The following CDH12 variants were observed in gnomAD, a reference collection of about 807,000 sequenced individuals.
CDH12 encodes cadherin-12.
A neutral mutation model predicts 74.1 loss-of-function variants in CDH12; 41 were observed. The observed-to-expected ratio is 0.55, with a 90% confidence interval of 0.43 to 0.72. The LOEUF (loss-of-function observed/expected upper bound fraction) is 0.72, where lower values mean the gene tolerates loss of function less well. Ranked by LOEUF, CDH12 falls within the 30% of genes least tolerant of loss-of-function variation. The pLI is 0.00. For synonymous variants in CDH12, 399 were observed against 355.0 expected (o/e 1.12, Z -1.39); for missense variants, 945 against 977.2 (o/e 0.97, Z 0.44).
chr5:21,936,618 T>C (rs1439932258), intron 6 of CDH12, among the ~76,000 whole-genome samples: 3 of 152,178 alleles, frequency 2.0e-5, no homozygotes, highest in African/African-American at 2.4e-5. Flanking sequence ...AATTAAAATA[T>C]GTCAATCTAC....
intron 3 of CDH12, among the ~76,000 whole-genome samples, chr5:22,329,240 G>C (rs567370258): frequency 1.3e-5 from 2 of 152,240 alleles, no homozygotes; most frequent in South Asian, 2.1e-4. Flanking sequence ...TTTTACCTGA[G>C]AGCAAATGTC....
intron 6 of CDH12, among the ~76,000 whole-genome samples, chr5:21,923,645 C>T (rs941955717): frequency 1.3e-5 from 2 of 152,138 alleles, no homozygotes; most frequent in African/African-American, 2.4e-5. Context: ...GAAAATACAG[C>T]AGTCTTTCTA....
At chr5:21,966,644 T>G (rs1307062568) in intron 6 of CDH12, among the ~76,000 whole-genome samples, 1 of 152,140 alleles carries the variant, frequency 6.6e-6, no homozygotes, top group Non-Finnish European at 1.5e-5. Flanking sequence ...CAAGATACAG[T>G]ACTACACAAT....
chr5:22,324,938 T>C (rs1160781552), intron 3 of CDH12, among the ~76,000 whole-genome samples: 2 of 152,216 alleles, frequency 1.3e-5, no homozygotes, highest in Non-Finnish European at 2.9e-5. Context: ...CATGATGGGA[T>C]GATCATTATC....
At chr5:22,252,708 T>G (rs1461321808) in intron 3 of CDH12, among the ~76,000 whole-genome samples, 1 of 151,946 alleles carries the variant, frequency 6.6e-6, no homozygotes, top group Non-Finnish European at 1.5e-5. Flanking sequence ...TTATTCCTCC[T>G]CTCCAGGGTC....
intron 4 of CDH12, among the ~76,000 whole-genome samples, chr5:22,102,695 C>A (rs1005135153): frequency 2.5e-4 from 35 of 137,410 alleles, no homozygotes; most frequent in Admixed American, 5.8e-4. Context: ...TAAATAAATA[C>A]ATAAATAAAT....
At chr5:21,846,476 G>A (rs1275712666) in intron 7 of CDH12, among the ~76,000 whole-genome samples, 3 of 152,028 alleles carry the variant, frequency 2.0e-5, no homozygotes, top group Non-Finnish European at 2.9e-5. Context: ...CTGTTTTTCT[G>A]TTTCCCTGTT....
chr5:22,617,130 TC>T (rs1209299200), intron 1 of CDH12, among the ~76,000 whole-genome samples: 1 of 151,922 alleles, frequency 6.6e-6, no homozygotes, highest in Non-Finnish European at 1.5e-5. Context: ...CCACCTAGCC[TC>T]CTAAAGTGCT....
chr5:22,355,214 G>C (rs2883717), intron 3 of CDH12, among the ~76,000 whole-genome samples: 4 of 151,794 alleles, frequency 2.6e-5, no homozygotes, highest in African/African-American at 9.7e-5. Context: ...TAGAAATAAC[G>C]TGGGTGATAT....
chr5:22,008,646 T>C (rs1403982314), intron 5 of CDH12, among the ~76,000 whole-genome samples: 1 of 152,182 alleles, frequency 6.6e-6, no homozygotes, highest in East Asian at 1.9e-4. Flanking sequence ...CCTCTCCATC[T>C]GTTTGTGATA....
In CDH12 at chr5:21,812,219, T is replaced by C. The variant is rs1390541677; in HGVS notation, c.1002+4726A>G. ...CTATTGCAGCTCAAAATCTGTTAGC[T>C]AAAAAATTAAAATAACTGGTGTTTA... On this transcript the variant is annotated intron_variant, in intron 9 of 14. Transcript: ENST00000382254. Among the ~76,000 whole-genome samples the C allele has an allele frequency of 3.3e-5, 5 of 152,164 alleles. No homozygotes were observed. In the East Asian group the frequency reaches 9.7e-4, roughly 29 times the overall value.
intron 6 of CDH12, chr5:21,883,707 G>A (rs1752481255): frequency 6.2e-7 from 1 of 1,608,564 alleles, no homozygotes; most frequent in African/African-American, 1.3e-5. Context: ...ACGTATTCAA[G>A]AAATCATTGG....
At chr5:22,402,615 G>A (rs539062469) in intron 3 of CDH12, among the ~76,000 whole-genome samples, 3 of 152,310 alleles carry the variant, frequency 2.0e-5, no homozygotes, top group African/African-American at 4.8e-5. Context: ...TGAAACTTCT[G>A]TGTGAGAAGG....
intron 6 of CDH12, among the ~76,000 whole-genome samples, chr5:21,880,501 T>TCCTTCCTTCCTTCCTTCCTTCCTCCCTC (rs1468584598): frequency 5.9e-4 from 15 of 25,382 alleles, no homozygotes; most frequent in African/African-American, 1.2e-3. Flanking sequence ...CTTCCTTCCT[T>TCCTTCCTTCCTTCCTTCCTTCCTCCCTC]CCTCCCTCCC....
At chr5:21,895,204 T>C (rs7446155) in intron 6 of CDH12, among the ~76,000 whole-genome samples, 146,651 of 152,206 alleles carry the variant, frequency 0.96, 70,817 homozygotes, top group East Asian at 1. Flanking sequence ...CCAAAGTGAT[T>C]GGAGAGAAAT....
chr5:22,790,350 A>G (rs939718487), intron 1 of CDH12, among the ~76,000 whole-genome samples: 1 of 152,172 alleles, frequency 6.6e-6, no homozygotes, highest in African/African-American at 2.4e-5. Flanking sequence ...TTAACATTTG[A>G]GAAGAAAGCT....
At chr5:22,558,454 G>T (rs1738900225) in intron 1 of CDH12, among the ~76,000 whole-genome samples, 1 of 152,028 alleles carries the variant, frequency 6.6e-6, no homozygotes, top group South Asian at 2.1e-4. Flanking sequence ...TTTTCTTCTA[G>T]AAGACTCCTA....
chr5:21,916,976 T>G (rs1236529840), intron 6 of CDH12, among the ~76,000 whole-genome samples: 1 of 152,198 alleles, frequency 6.6e-6, no homozygotes, highest in Non-Finnish European at 1.5e-5. Flanking sequence ...GACTAGCACC[T>G]GGCTCTTAGG....
chr5:22,573,528 A>AG (rs961664390), intron 1 of CDH12, among the ~76,000 whole-genome samples: 3 of 152,136 alleles, frequency 2.0e-5, no homozygotes, highest in Admixed American at 6.6e-5. Context: ...GCATGTGGTT[A>AG]GGGGGGAGAT....
Sources: gnomAD v4.1 joint callset for allele counts (sites outside exome capture counted in the v4.1 genomes callset) on GRCh38, gnomAD v4.1.1 for gene constraint, MANE v1.5 for transcripts, NCBI Gene and HGNC (gene_info 2026-07-23, HGNC 2026-07-21) for gene names.